Variants in PKHD1 observed in about 807,000 individuals in gnomAD.
PKHD1 encodes the protein fibrocystin.
In PKHD1, 291 loss-of-function variants were observed where a neutral mutation model predicts 412.0. The observed-to-expected ratio is 0.71, with a 90% confidence interval of 0.64 to 0.78. The LOEUF is 0.78. Among genes scored for constraint, PKHD1 ranks in the 30% least tolerant of loss-of-function variants. The probability of loss-of-function intolerance (pLI) is 0.00; values close to 1 mark genes in which losing one functional copy is unlikely to be tolerated. For missense variants in PKHD1, 4,825 were observed against 4,950.7 expected (o/e 0.97, Z 0.76); for synonymous variants, 1,777 against 1,821.5 (o/e 0.98, Z 0.62).
chr6:51,840,185 A>C (rs1377442853), intron 50 of PKHD1, among the ~76,000 whole-genome samples: 2 of 152,112 alleles, frequency 1.3e-5, no homozygotes, highest in Admixed American at 1.3e-4. Context: ...AGCCACAGAG[A>C]AGGCTTGCTT....
Position 51,887,262 on chromosome 6 carries a change from G to A in PKHD1, c.6997-17C>T, listed in dbSNP as rs1350334203. On this transcript the variant is annotated splice_polypyrimidine_tract_variant and intron_variant, in intron 43 of 66. Transcript: ENST00000371117. ...TCTGTTCCCCTACAGAAATTAAGAA[G>A]AGTTAAAAAATAGTTACCCCATGTA... 1.3e-6 allele frequency: 2 copies of A among 1,524,184 alleles called. No individual in the cohort carries two copies. The highest frequency in any genetic ancestry group is 1.7e-5 in the Admixed American group (1 of 59,852). 94.4% of individuals were successfully genotyped at this position (1,524,184 alleles called of 1,614,324 possible). A position where few individuals can be genotyped will look rare whatever the true frequency, so the allele number is the denominator to read the frequency against.
chr6:51,843,839 T>C (rs1240313457), intron 50 of PKHD1, among the ~76,000 whole-genome samples: 1 of 152,220 alleles, frequency 6.6e-6, no homozygotes. Flanking sequence ...AAAGGCAACA[T>C]GAACCAATCT....
chr6:51,721,041 G>T, intron 60 of PKHD1: 2 of 981,174 alleles, frequency 2.0e-6, no homozygotes, highest in South Asian at 4.7e-5. Flanking sequence ...GTATTTGAGG[G>T]TCAATAAGGC....
chr6:51,757,398 T>A (rs1787198079), intron 55 of PKHD1, among the ~76,000 whole-genome samples: 1 of 152,080 alleles, frequency 6.6e-6, no homozygotes, highest in Non-Finnish European at 1.5e-5. Flanking sequence ...AATTTAAAAC[T>A]CATAAAGCTT....
chr6:51,848,939 G>GAA (rs34781445), intron 49 of PKHD1, among the ~76,000 whole-genome samples: 20 of 123,934 alleles, frequency 1.6e-4, no homozygotes, highest in African/African-American at 5.4e-4. Flanking sequence ...TATTTCTTCT[G>GAA]AAAAAAAAAA....
At chr6:52,052,287 T>G (rs1424166795) in intron 21 of PKHD1, among the ~76,000 whole-genome samples, 1 of 152,194 alleles carries the variant, frequency 6.6e-6, no homozygotes, top group Non-Finnish European at 1.5e-5. Flanking sequence ...CATTCTGCCT[T>G]GGCTGTGGGC....
chr6:51,731,142 G>A (rs571919384), intron 60 of PKHD1, among the ~76,000 whole-genome samples: 20 of 152,204 alleles, frequency 1.3e-4, no homozygotes, highest in African/African-American at 3.1e-4. Flanking sequence ...AAGCAGCAAC[G>A]CAGGGTTACT....
chr6:51,902,302 TAAC>T (rs932413463), intron 43 of PKHD1, among the ~76,000 whole-genome samples: 1 of 152,156 alleles, frequency 6.6e-6, no homozygotes, highest in Non-Finnish European at 1.5e-5. Flanking sequence ...AAGTTTAAAA[TAAC>T]AACAAAAAAA....
At chr6:52,020,901 C>T (rs141194201) in intron 33 of PKHD1, among the ~76,000 whole-genome samples, 33 of 75,062 alleles carry the variant, frequency 4.4e-4, no homozygotes, top group African/African-American at 1.4e-3. Context: ...CCATTATAGA[C>T]CTACTTCCTA....
intron 40 of PKHD1, among the ~76,000 whole-genome samples, chr6:51,908,310 A>G (rs1782437158): frequency 6.6e-6 from 1 of 152,170 alleles, no homozygotes; most frequent in South Asian, 2.1e-4. Context: ...CTGAAGGATT[A>G]CTCTGCAATT....
intron 66 of PKHD1, among the ~76,000 whole-genome samples, chr6:51,624,602 G>A (rs563892855): frequency 2.0e-4 from 30 of 152,124 alleles, no homozygotes; most frequent in South Asian, 4.2e-4. Flanking sequence ...AGGCAGGGGC[G>A]GGTCTTTTTT....
chr6:51,827,384 T>C (rs1031147479), intron 52 of PKHD1, among the ~76,000 whole-genome samples: 5 of 152,148 alleles, frequency 3.3e-5, no homozygotes, highest in Admixed American at 6.6e-5. Flanking sequence ...CATTTCATCT[T>C]TCTTAACATT....
At chr6:51,668,120 T>C (rs1424811023) in intron 60 of PKHD1, among the ~76,000 whole-genome samples, 1 of 152,204 alleles carries the variant, frequency 6.6e-6, no homozygotes, top group Non-Finnish European at 1.5e-5. Flanking sequence ...GCACTGAATC[T>C]GTAAATTACC....
rs1396450370 is a variant in PKHD1 at position 52,058,440 on chromosome 6, C to T, written c.1395G>A (p.Arg465=). The stretch of plus-strand genomic sequence containing the variant: ...GAATCTGGACACCAATCCTCATCCC[C>T]CTGCTTGGGGCTATCCCATGATGCT... ...EAEHHGIAPS[R]GMRIGVQIHN... The change falls in exon 16 of 67, where the codon AGG becomes AGA. Residue 465 remains arginine (R), a synonymous_variant. Coordinates refer to ENST00000371117, the MANE Select transcript of PKHD1 (RefSeq NM_138694.4). 1.2e-6 allele frequency: 2 copies of T among 1,614,054 alleles called. No homozygotes were observed. The highest frequency in any genetic ancestry group is 1.7e-6 in the Non-Finnish European group (2 of 1,180,018).
chr6:51,619,593 GCA>G, intron 66 of PKHD1, 73 bp from the exon 67 acceptor site: 1 of 1,209,240 alleles, frequency 8.3e-7, no homozygotes. Flanking sequence ...TGCATACTTA[GCA>G]TTTCTGACAA....
Position 51,626,966 on chromosome 6 carries a change from T to G in PKHD1, c.11785+31A>C, listed in dbSNP as rs763956920. ...CAGACCATCCACAGTGGGTCTCTCC[T>G]GTGGGGATCATCTCCACCCTCCAAG... On this transcript the variant is annotated intron_variant, in intron 66 of 66. Transcript: ENST00000371117. 22 of 1,611,766 alleles carry G rather than the reference T, an allele frequency of 1.4e-5. No individual in the cohort carries two copies. The African/African-American group carries it at 2.5e-4, about 19-fold the overall frequency.
chr6:51,900,433 T>G (rs1198272332), intron 43 of PKHD1, among the ~76,000 whole-genome samples: 3 of 152,230 alleles, frequency 2.0e-5, no homozygotes, highest in African/African-American at 7.2e-5. Context: ...GGATTCCCTA[T>G]TTAATAAATG....
intron 35 of PKHD1, chr6:51,975,796 C>G (rs544312240): frequency 1.3e-5 from 2 of 151,384 alleles, no homozygotes; most frequent in East Asian, 3.9e-4. Flanking sequence ...TATATGGGAC[C>G]TCTCCAGAGC....
At chr6:52,001,778 C>T (rs1274725204) in intron 35 of PKHD1, among the ~76,000 whole-genome samples, 2 of 152,092 alleles carry the variant, frequency 1.3e-5, no homozygotes, top group Admixed American at 6.5e-5. Flanking sequence ...CAGAGGTATG[C>T]AAAGTCTTAA....
Sources: gnomAD v4.1 joint callset for allele counts (sites outside exome capture counted in the v4.1 genomes callset) on GRCh38, gnomAD v4.1.1 for gene constraint, MANE v1.5 for transcripts, NCBI Gene and HGNC (gene_info 2026-07-23, HGNC 2026-07-21) for gene names.